CSMD3: variants seen among roughly 807,000 people sequenced by gnomAD.
The protein encoded by CSMD3 is CUB and sushi domain-containing protein 3.
CSMD3 carries 177 observed loss-of-function variants against 435.2 expected under a neutral mutation model. That is an observed-to-expected ratio of 0.41 (90% CI 0.36 to 0.46). CSMD3 has a LOEUF of 0.46. Among genes scored for constraint, CSMD3 ranks in the 20% least tolerant of loss-of-function variants. The probability of loss-of-function intolerance (pLI) is 0.34; values close to 1 mark genes in which losing one functional copy is unlikely to be tolerated. For missense variants in CSMD3, 4,265 were observed against 4,504.6 expected, an observed-to-expected ratio of 0.95 and a Z score of 1.52; for synonymous variants, 1,656 against 1,520.5, an observed-to-expected ratio of 1.09 and a Z score of -2.07.
At chr8:113,291,561 G>C (rs997364060) in intron 2 of CSMD3, among the ~76,000 whole-genome samples, 3 of 151,776 alleles carry the variant, frequency 2.0e-5, no homozygotes, top group African/African-American at 7.2e-5. Flanking sequence ...CTAGTAGATA[G>C]ACTTTTTAAT....
intron 3 of CSMD3, among the ~76,000 whole-genome samples, chr8:113,265,095 T>C (rs17681368): frequency 0.1 from 15,763 of 151,600 alleles, 960 homozygotes; most frequent in Middle Eastern, 0.17. Context: ...AAACGTGTCA[T>C]ATCTGTCAAG....
intron 32 of CSMD3, among the ~76,000 whole-genome samples, chr8:112,436,721 C>T (rs1289683911): frequency 1.3e-5 from 2 of 151,964 alleles, no homozygotes; most frequent in African/African-American, 4.8e-5. Flanking sequence ...ACACATTTCC[C>T]TCCTACTTGC....
rs569700256 is a variant in CSMD3 at position 113,150,486 on chromosome 8, A to G, written c.709+23236T>C. Among the ~76,000 whole-genome samples, 4 of 152,092 alleles carry G rather than the reference A, an allele frequency of 2.6e-5. No homozygotes were observed. In the South Asian group the frequency reaches 8.3e-4, roughly 31 times the overall value. On this transcript the variant is annotated intron_variant, in intron 4 of 70. Transcript: ENST00000297405. ...AAGGAACCGAATTCTGACAATCAAT[A>G]ATCTTGGAAGATGAAATTGCAGCTG... is the stretch of plus-strand genomic sequence containing the variant.
intron 23 of CSMD3, among the ~76,000 whole-genome samples, chr8:112,581,749 A>G (rs1351811305): frequency 6.6e-6 from 1 of 152,084 alleles, no homozygotes; most frequent in Non-Finnish European, 1.5e-5. Flanking sequence ...ACAAAAATTA[A>G]AGGAATTAAC....
intron 6 of CSMD3, among the ~76,000 whole-genome samples, chr8:112,994,894 A>C (rs1413858079): frequency 1.3e-5 from 2 of 151,618 alleles, no homozygotes; most frequent in Non-Finnish European, 3.0e-5. Flanking sequence ...CAGTGTTACA[A>C]AAGTCTTTTA....
At chr8:113,208,255 G>T (rs976067046) in intron 3 of CSMD3, among the ~76,000 whole-genome samples, 1 of 152,040 alleles carries the variant, frequency 6.6e-6, no homozygotes, top group African/African-American at 2.4e-5. Flanking sequence ...TAGCAATGTG[G>T]GATGGATGGT....
At chr8:112,535,504 G>T (rs958680106) in intron 27 of CSMD3, among the ~76,000 whole-genome samples, 11 of 151,660 alleles carry the variant, frequency 7.3e-5, no homozygotes, top group African/African-American at 9.7e-5. Context: ...ACAAACCACT[G>T]CTCAATGAAA....
chr8:113,125,970 G>A (rs1241694982), intron 4 of CSMD3, among the ~76,000 whole-genome samples: 1 of 151,952 alleles, frequency 6.6e-6, no homozygotes, highest in Non-Finnish European at 1.5e-5. Context: ...GGATAGGTAT[G>A]CATGAAAAAT....
intron 35 of CSMD3, among the ~76,000 whole-genome samples, chr8:112,401,591 T>C (rs892738989): frequency 2.0e-5 from 3 of 152,146 alleles, no homozygotes; most frequent in Non-Finnish European, 4.4e-5. Flanking sequence ...TTAAAAAATT[T>C]GCCAACAATG....
At chr8:112,292,747 C>G in intron 54 of CSMD3, 37 bp from the exon 55 acceptor site, 1 of 1,575,064 alleles carries the variant, frequency 6.3e-7, no homozygotes, top group Non-Finnish European at 8.7e-7. Flanking sequence ...GAAGGAAACA[C>G]AGAAAAAAAA....
At chr8:112,975,805 TAAATG>T in intron 7 of CSMD3, 27 bp downstream of exon 7, 1 of 1,611,902 alleles carries the variant, frequency 6.2e-7, no homozygotes, top group Non-Finnish European at 8.5e-7. Context: ...TGGCTGTAAC[TAAATG>T]GGCACAAGTA....
At chr8:112,439,397 C>T (rs1455693887) in intron 32 of CSMD3, among the ~76,000 whole-genome samples, 2 of 151,914 alleles carry the variant, frequency 1.3e-5, no homozygotes, top group African/African-American at 4.8e-5. Flanking sequence ...CCTTGGCCTC[C>T]CAAAGTGCTG....
chr8:112,525,976 A>T (rs1197741753), intron 27 of CSMD3, among the ~76,000 whole-genome samples: 1 of 147,704 alleles, frequency 6.8e-6, no homozygotes, highest in East Asian at 2.0e-4. Flanking sequence ...TAAAATACTA[A>T]AGTTTCAAAT....
chr8:113,315,445 T>G (rs1049638526), intron 1 of CSMD3, among the ~76,000 whole-genome samples: 2 of 151,924 alleles, frequency 1.3e-5, no homozygotes, highest in African/African-American at 4.8e-5. Context: ...TAAATGGATC[T>G]TGGACAACTG....
chr8:113,005,500 A>G (rs2086023374), intron 6 of CSMD3, among the ~76,000 whole-genome samples: 1 of 152,024 alleles, frequency 6.6e-6, no homozygotes, highest in Non-Finnish European at 1.5e-5. Flanking sequence ...AAAAAATGTA[A>G]CATCAAAATA....
At chr8:112,720,733 C>T (rs912273217) in intron 13 of CSMD3, among the ~76,000 whole-genome samples, 3 of 152,090 alleles carry the variant, frequency 2.0e-5, no homozygotes, top group South Asian at 2.1e-4. Flanking sequence ...TATAAATAAA[C>T]GATGTTGTTG....
chr8:112,855,759 T>C (rs1023155047), intron 11 of CSMD3, among the ~76,000 whole-genome samples: 3 of 151,780 alleles, frequency 2.0e-5, no homozygotes, highest in Non-Finnish European at 4.4e-5. Context: ...TCTATGAGTT[T>C]GTTGCTTGGT....
intron 4 of CSMD3, among the ~76,000 whole-genome samples, chr8:113,148,304 T>A (rs899974730): frequency 1.3e-5 from 2 of 151,692 alleles, no homozygotes; most frequent in African/African-American, 4.8e-5. Flanking sequence ...CACAGCCTTT[T>A]GCCATGTCAT....
At chr8:112,567,274 A>C (rs1829137030) in intron 24 of CSMD3, among the ~76,000 whole-genome samples, 1 of 152,150 alleles carries the variant, frequency 6.6e-6, no homozygotes, top group Non-Finnish European at 1.5e-5. Context: ...AACTCAGATA[A>C]CATCTCCTTT....
Sources: gnomAD v4.1 joint callset for allele counts (sites outside exome capture counted in the v4.1 genomes callset) on GRCh38, gnomAD v4.1.1 for gene constraint, MANE v1.5 for transcripts, NCBI Gene and HGNC (gene_info 2026-07-23, HGNC 2026-07-21) for gene names.